The following AGBL4 variants were observed in gnomAD, a reference collection of about 807,000 sequenced individuals.
The protein encoded by AGBL4 is AGBL carboxypeptidase 4.
A neutral mutation model predicts 66.4 loss-of-function variants in AGBL4; 58 were observed. That is an observed-to-expected ratio of 0.87 (90% CI 0.71 to 1.09). The LOEUF (loss-of-function observed/expected upper bound fraction) is 1.09. Among genes scored for constraint, AGBL4 ranks in the 50% least tolerant of loss-of-function variants. The pLI is 0.00. For missense variants in AGBL4, 579 were observed against 631.0 expected (o/e 0.92, Z 0.88); for synonymous variants, 234 against 222.9 (o/e 1.05, Z -0.44).
intron 3 of AGBL4, among the ~76,000 whole-genome samples, chr1:49,504,356 T>G (rs1648483924): frequency 6.6e-6 from 1 of 152,134 alleles, no homozygotes; most frequent in Non-Finnish European, 1.5e-5. Flanking sequence ...AGTGTGAGAA[T>G]GGACTAATAG....
intron 3 of AGBL4, among the ~76,000 whole-genome samples, chr1:49,366,865 T>C (rs1237717469): frequency 6.6e-6 from 1 of 152,140 alleles, no homozygotes; most frequent in Non-Finnish European, 1.5e-5. Context: ...TGATGCAGAA[T>C]TTTTGCTGGA....
At chr1:48,617,087 G>T (rs563188167) in intron 9 of AGBL4, among the ~76,000 whole-genome samples, 7 of 152,166 alleles carry the variant, frequency 4.6e-5, no homozygotes, top group Non-Finnish European at 1.0e-4. Flanking sequence ...AAAGGAGGGA[G>T]GGGGGAGCTG....
intron 3 of AGBL4, among the ~76,000 whole-genome samples, chr1:49,490,859 A>G (rs1454054258): frequency 6.7e-6 from 1 of 149,088 alleles, no homozygotes; most frequent in East Asian, 1.9e-4. Flanking sequence ...CAAAAACTCA[A>G]TTAAAGAAAA....
intron 6 of AGBL4, among the ~76,000 whole-genome samples, chr1:48,816,686 T>A (rs559375443): frequency 6.6e-6 from 1 of 152,330 alleles, no homozygotes; most frequent in South Asian, 2.1e-4. Context: ...TGTAAGAATC[T>A]TGAAAGATGC....
chr1:49,441,147 C>T (rs1646020863), intron 3 of AGBL4, among the ~76,000 whole-genome samples: 1 of 152,086 alleles, frequency 6.6e-6, no homozygotes, highest in Non-Finnish European at 1.5e-5. Context: ...TTCCGGTGGG[C>T]CCCTAGGTGT....
intron 4 of AGBL4, among the ~76,000 whole-genome samples, chr1:49,125,009 T>G (rs1645736670): frequency 6.6e-6 from 1 of 152,126 alleles, no homozygotes; most frequent in African/African-American, 2.4e-5. Context: ...GTTGGTGACT[T>G]TGGAGTGTTG....
chr1:49,152,314 C>A (rs1011380449), intron 4 of AGBL4, among the ~76,000 whole-genome samples: 1 of 152,136 alleles, frequency 6.6e-6, no homozygotes, highest in South Asian at 2.1e-4. Context: ...CCCTTCTCTT[C>A]CCTTCTTTTC....
chr1:49,059,513 A>T (rs1027755989), intron 4 of AGBL4, among the ~76,000 whole-genome samples: 3 of 152,208 alleles, frequency 2.0e-5, no homozygotes, highest in African/African-American at 7.2e-5. Flanking sequence ...GTGGGGTTGG[A>T]GCCCCTACAC....
chr1:49,453,953 A>C (rs763537012), intron 3 of AGBL4, among the ~76,000 whole-genome samples: 1 of 151,792 alleles, frequency 6.6e-6, no homozygotes, highest in Non-Finnish European at 1.5e-5. Flanking sequence ...TGACCAGTCC[A>C]TGGGCATTCC....
chr1:49,446,360 T>C (rs1570736679), intron 3 of AGBL4, among the ~76,000 whole-genome samples: 1 of 152,184 alleles, frequency 6.6e-6, no homozygotes, highest in Admixed American at 6.5e-5. Flanking sequence ...CCTGAGAATG[T>C]ATCTGTGGTA....
In AGBL4 at chr1:49,744,739, G is replaced by A. The variant is rs953455889; in HGVS notation, c.158-47302C>T. Among the ~76,000 whole-genome samples the A allele has an allele frequency of 2.0e-5, 3 of 151,916 alleles. No homozygotes were observed. In the South Asian group the frequency reaches 6.2e-4, roughly 32 times the overall value. ...GCAGTAAGTATAAATTTACATTTATGAGCATACAATGCATTAAGATATAAT... is the reference window on the plus strand; with the variant it reads ...GCAGTAAGTATAAATTTACATTTATAAGCATACAATGCATTAAGATATAAT... On this transcript the variant is annotated intron_variant, in intron 2 of 13. Transcript: ENST00000371839.
At chr1:49,028,765 C>T (rs969704563) in intron 5 of AGBL4, among the ~76,000 whole-genome samples, 22 of 152,080 alleles carry the variant, frequency 1.4e-4, no homozygotes, top group Admixed American at 1.1e-3. Flanking sequence ...CCAAAGAAAA[C>T]CCCTGAATAT....
chr1:49,417,372 T>A (rs1344085764), intron 3 of AGBL4, among the ~76,000 whole-genome samples: 1 of 152,156 alleles, frequency 6.6e-6, no homozygotes, highest in Non-Finnish European at 1.5e-5. Flanking sequence ...TGGCCTGCTG[T>A]GGAGTCCTTT....
intron 6 of AGBL4, among the ~76,000 whole-genome samples, chr1:48,698,534 G>T (rs1410249450): frequency 6.6e-6 from 1 of 152,224 alleles, no homozygotes; most frequent in East Asian, 1.9e-4. Flanking sequence ...CTCACATGGG[G>T]AGCTGGATCA....
chr1:49,801,802 G>A (rs568262668), intron 2 of AGBL4, among the ~76,000 whole-genome samples: 6 of 152,266 alleles, frequency 3.9e-5, no homozygotes, highest in African/African-American at 1.4e-4. Context: ...AGCATCATTT[G>A]AAAGTCATCC....
chr1:48,555,515 T>A (rs1318504445), intron 11 of AGBL4, among the ~76,000 whole-genome samples: 1 of 152,202 alleles, frequency 6.6e-6, no homozygotes, highest in East Asian at 1.9e-4. Context: ...GGCTGGAATA[T>A]CTTCTAAAAG....
intron 3 of AGBL4, among the ~76,000 whole-genome samples, chr1:49,383,002 C>T (rs1368204202): frequency 6.6e-6 from 1 of 152,100 alleles, no homozygotes; most frequent in Non-Finnish European, 1.5e-5. Context: ...TATACATTAT[C>T]AATGAACAAT....
intron 8 of AGBL4, among the ~76,000 whole-genome samples, chr1:48,646,686 C>T (rs989431094): frequency 9.9e-5 from 15 of 152,084 alleles, no homozygotes; most frequent in Admixed American, 9.2e-4. Flanking sequence ...AACCCTCCTT[C>T]ATCACTATGA....
At chr1:49,766,644 T>TA (rs879640296) in intron 2 of AGBL4, among the ~76,000 whole-genome samples, 186 of 142,014 alleles carry the variant, frequency 1.3e-3, no homozygotes, top group African/African-American at 4.0e-3. Flanking sequence ...CAAGCTGGAT[T>TA]AAAAAAAAAA....
Sources: gnomAD v4.1 joint callset for allele counts (sites outside exome capture counted in the v4.1 genomes callset) on GRCh38, gnomAD v4.1.1 for gene constraint, MANE v1.5 for transcripts, NCBI Gene and HGNC (gene_info 2026-07-23, HGNC 2026-07-21) for gene names.